The following AP4E1 variants were observed in gnomAD, a reference collection of about 807,000 sequenced individuals.
AP4E1 encodes adaptor related protein complex 4 subunit epsilon 1, also known as AP-4 complex subunit epsilon-1.
A neutral mutation model predicts 128.2 loss-of-function variants in AP4E1; 56 were observed. That is an observed-to-expected ratio of 0.44 (90% CI 0.35 to 0.55). The LOEUF (loss-of-function observed/expected upper bound fraction) is 0.55. Ranked by LOEUF, AP4E1 falls within the 20% of genes least tolerant of loss-of-function variation. AP4E1 has a pLI of 0.00. For synonymous variants in AP4E1, 484 were observed against 473.1 expected, an observed-to-expected ratio of 1.02 and a Z score of -0.30; for missense variants, 1,324 against 1,307.7, an observed-to-expected ratio of 1.01 and a Z score of -0.19.
chr15:50,958,584 T>A lies in AP4E1; in HGVS notation c.1641T>A (p.Ser547=). ...LYKLLMNDSV[S]SETKAWLIAA... Reference sequence around the variant, plus strand: ...AGTTACTTATGAATGACTCTGTGTCTTCAGAAACAAAAGCCTGGTTAATTG... The same window carrying A: ...AGTTACTTATGAATGACTCTGTGTCATCAGAAACAAAAGCCTGGTTAATTG... The change falls in exon 14 of 21, where the codon TCT becomes TCA. Residue 547 remains serine (S), a synonymous_variant. Transcript: ENST00000261842. The A allele has an allele frequency of 6.2e-7, 1 of 1,614,152 alleles. No homozygotes were observed. The highest frequency in any genetic ancestry group is 1.7e-5 in the Admixed American group (1 of 60,022).
chr15:50,985,308 G>A (rs952186280), intron 16 of AP4E1, among the ~76,000 whole-genome samples: 5 of 152,248 alleles, frequency 3.3e-5, no homozygotes, highest in South Asian at 2.1e-4. Flanking sequence ...AAGCTCTTTC[G>A]TTTAATTAGA....
intron 7 of AP4E1, among the ~76,000 whole-genome samples, chr15:50,933,494 A>T (rs999391561): frequency 6.6e-6 from 1 of 152,146 alleles, no homozygotes; most frequent in Non-Finnish European, 1.5e-5. Context: ...TCTTCATTTC[A>T]TGTGGTTAAG....
intron 10 of AP4E1, among the ~76,000 whole-genome samples, chr15:50,946,587 G>A (rs1047267847): frequency 1.3e-5 from 2 of 151,894 alleles, no homozygotes; most frequent in Non-Finnish European, 2.9e-5. Flanking sequence ...TTCAAAATAT[G>A]TTATCCTTTC....
At chr15:50,957,157 G>C (rs2064235584) in intron 13 of AP4E1, among the ~76,000 whole-genome samples, 1 of 152,144 alleles carries the variant, frequency 6.6e-6, no homozygotes, top group Non-Finnish European at 1.5e-5. Context: ...CTCTCATCTG[G>C]TGTCCAGGAA....
At chr15:50,977,706 G>GTTT (rs1401774266) in intron 15 of AP4E1, among the ~76,000 whole-genome samples, 2 of 80,288 alleles carry the variant, frequency 2.5e-5, no homozygotes, top group African/African-American at 9.3e-5. Flanking sequence ...ATCTGTTATG[G>GTTT]TTTTTTTTTT....
chr15:50,932,116 A>T lies in AP4E1; in HGVS notation c.869+1145A>T, dbSNP rs2141160204. On this transcript the variant is annotated intron_variant, in intron 7 of 20. Coordinates refer to ENST00000261842, the MANE Select transcript of AP4E1 (RefSeq NM_007347.5). ...CACCTCAGTTTCCCAAGTAGCTGGG[A>T]TTACAGGCGCACACCACCATGCCCG... Among the ~76,000 whole-genome samples the T allele has an allele frequency of 1.3e-5, 2 of 152,092 alleles. 1 individual carries two copies. The highest frequency in any genetic ancestry group is 4.2e-4 in the South Asian group (2 of 4,814).
intron 15 of AP4E1, among the ~76,000 whole-genome samples, chr15:50,968,762 G>T (rs1208055549): frequency 6.6e-6 from 1 of 152,126 alleles, no homozygotes; most frequent in Non-Finnish European, 1.5e-5. Context: ...CAAGTAGCTG[G>T]ATTTACAGGT....
At chr15:50,918,430 A>G (rs1366955628) in intron 3 of AP4E1, among the ~76,000 whole-genome samples, 1 of 152,218 alleles carries the variant, frequency 6.6e-6, no homozygotes, top group Non-Finnish European at 1.5e-5. Context: ...CATAGGCAGG[A>G]AATTTTGAAA....
At chr15:50,932,904 T>A (rs1463936964) in intron 7 of AP4E1, among the ~76,000 whole-genome samples, 1 of 152,232 alleles carries the variant, frequency 6.6e-6, no homozygotes, top group Non-Finnish European at 1.5e-5. Flanking sequence ...CAGCCTATCC[T>A]AACGTGGAGC....
intron 6 of AP4E1, 38 bp downstream of exon 6, chr15:50,929,206 A>G (rs2063802605): frequency 2.5e-6 from 4 of 1,582,550 alleles, no homozygotes; most frequent in Admixed American, 1.7e-5. Context: ...AGTAGTTACC[A>G]TTAGAAAAAT....
intron 14 of AP4E1, among the ~76,000 whole-genome samples, chr15:50,963,194 A>G (rs917146866): frequency 5.9e-5 from 9 of 152,182 alleles, no homozygotes; most frequent in Admixed American, 3.3e-4. Flanking sequence ...AGAGTTTTCA[A>G]AAAACCAAAA....
At chr15:50,962,962 A>G (rs1172994116) in intron 14 of AP4E1, among the ~76,000 whole-genome samples, 1 of 151,668 alleles carries the variant, frequency 6.6e-6, no homozygotes, top group East Asian at 1.9e-4. Context: ...ATTTCTTAAA[A>G]GAAGATACAC....
rs749094341 is a variant in AP4E1 at position 50,950,003 on chromosome 15, C to G, written c.1430-48C>G. The G allele has an allele frequency of 9.4e-6, 15 of 1,590,042 alleles. No homozygotes were observed. In the South Asian group the frequency reaches 1.2e-4, roughly 13 times the overall value. On this transcript the variant is annotated intron_variant, in intron 12 of 20. Transcript: ENST00000261842. ...AGTTTAATGTTTTTATTACAGAGTC[C>G]TAAGATAAGTTTGTGGAAATTAAAA...
At chr15:50,996,710 C>G (rs770424143) in intron 17 of AP4E1, among the ~76,000 whole-genome samples, 7 of 152,164 alleles carry the variant, frequency 4.6e-5, no homozygotes, top group Non-Finnish European at 8.8e-5. Context: ...ACAGACCATT[C>G]TTCAGAAAGT....
At chr15:50,970,105 C>T (rs1453096251) in intron 15 of AP4E1, among the ~76,000 whole-genome samples, 1 of 152,182 alleles carries the variant, frequency 6.6e-6, no homozygotes, top group Non-Finnish European at 1.5e-5. Context: ...CCCTACCTTT[C>T]CTAGCGCCTA....
At chr15:50,929,940 G>A (rs78357817) in intron 6 of AP4E1, among the ~76,000 whole-genome samples, 1 of 151,892 alleles carries the variant, frequency 6.6e-6, no homozygotes, top group African/African-American at 2.4e-5. Flanking sequence ...CTTTTAAGGA[G>A]TGTGGATATA....
rs1555459128 is a variant in AP4E1, at chr15:50,964,955, C to CCCCACACACACACACACA, written c.1852-3307_1852-3306insCCACACACACACACACAC. Among the ~76,000 whole-genome samples, 155 of 131,454 alleles carry CCCCACACACACACACACA rather than the reference C, an allele frequency of 1.2e-3. 2 individuals are homozygous for CCCCACACACACACACACA. The highest frequency in any genetic ancestry group is 1.3e-3 in the Non-Finnish European group (81 of 63,168). The allele number at this position is 131,454 out of a possible 152,430, so 86.2% of individuals were successfully genotyped here. ...TTGTAAAGTATAACACCTCCCCCTACCACACACACACACACACACACACAC... is the reference window on the plus strand; with the variant it reads ...TTGTAAAGTATAACACCTCCCCCTACCCCACACACACACACACACACACACACACACACACACACACAC... On this transcript the variant is annotated intron_variant, in intron 14 of 20. Transcript: ENST00000261842.
intron 10 of AP4E1, chr15:50,945,325 G>A: frequency 1.3e-6 from 1 of 780,702 alleles, no homozygotes; most frequent in Non-Finnish European, 2.4e-6. Flanking sequence ...CAGGAATATA[G>A]TACTGTACAA....
At position 50,950,129 on chromosome 15, in the gene AP4E1, A is replaced by G; in HGVS notation, c.1508A>G (p.Asn503Ser). Residue 503 changes from asparagine (N) to serine (S), a missense_variant, in exon 13 of 21, where the codon AAT (asparagine) becomes AGT (serine). Asn to Ser is a conservative substitution (Grantham distance 46). Coordinates refer to ENST00000261842, the MANE Select transcript of AP4E1 (RefSeq NM_007347.5). The part of the protein sequence containing the change: ...QSYLTLLDME[N>S]VFYPQRFLQV... ...TATCTCACTTTACTGGATATGGAAA[A>G]TGTGTTCTATCCACAGAGATTTCTT... 1.2e-6 allele frequency: 2 copies of G among 1,613,218 alleles called. No homozygotes were observed. The highest frequency in any genetic ancestry group is 1.3e-5 in the African/African-American group (1 of 75,036).
Sources: allele counts gnomAD v4.1 joint callset (sites outside exome capture counted in the v4.1 genomes callset), GRCh38; gene constraint gnomAD v4.1.1; transcripts MANE v1.5; gene names NCBI Gene and HGNC (gene_info 2026-07-23, HGNC 2026-07-21).